Variants in RGS7 observed in about 807,000 individuals in gnomAD.
RGS7 encodes regulator of G protein signaling 7, also known as regulator of G-protein signaling 7.
In RGS7, 27 loss-of-function variants were observed where a neutral mutation model predicts 81.1. That is an observed-to-expected ratio of 0.33 (90% confidence interval 0.25 to 0.46). The LOEUF (loss-of-function observed/expected upper bound fraction) is 0.46. Ranked by LOEUF, RGS7 falls within the 20% of genes least tolerant of loss-of-function variation. The probability of loss-of-function intolerance (pLI) is 1.00; values close to 1 mark genes in which losing one functional copy is unlikely to be tolerated. For missense variants in RGS7, 396 were observed against 607.4 expected (o/e 0.65, Z 3.66); for synonymous variants, 208 against 207.7 (o/e 1.00, Z -0.01).
At chr1:241,102,908 T>C (rs2064860000) in intron 2 of RGS7, among the ~76,000 whole-genome samples, 1 of 151,374 alleles carries the variant, frequency 6.6e-6, no homozygotes, top group Middle Eastern at 3.4e-3. Flanking sequence ...TCACTCAGAG[T>C]CTATTAATTT....
chr1:241,252,031 TTTTC>T (rs777698199), intron 2 of RGS7, among the ~76,000 whole-genome samples: 44 of 151,092 alleles, frequency 2.9e-4, no homozygotes, highest in East Asian at 1.2e-3. Flanking sequence ...GCTTTTGGCT[TTTTC>T]TTTCTTTCTT....
At chr1:240,788,861 G>A (rs925455685) in intron 18 of RGS7, among the ~76,000 whole-genome samples, 1 of 152,130 alleles carries the variant, frequency 6.6e-6, no homozygotes, top group African/African-American at 2.4e-5. Flanking sequence ...AAGTAGGCAG[G>A]GTGTGGTGGT....
At chr1:241,202,116 A>C (rs994483998) in intron 2 of RGS7, among the ~76,000 whole-genome samples, 2 of 151,920 alleles carry the variant, frequency 1.3e-5, no homozygotes, top group African/African-American at 4.8e-5. Context: ...TGAATGAATA[A>C]ATTATCAAGG....
intron 2 of RGS7, among the ~76,000 whole-genome samples, chr1:241,139,119 T>C (rs2067731876): frequency 6.6e-6 from 1 of 152,182 alleles, no homozygotes; most frequent in Non-Finnish European, 1.5e-5. Flanking sequence ...TGTTGTAGCA[T>C]GCGTCAGTAG....
chr1:241,104,405 G>A (rs752048337), intron 2 of RGS7, among the ~76,000 whole-genome samples: 13 of 152,152 alleles, frequency 8.5e-5, no homozygotes, highest in Non-Finnish European at 1.5e-4. Context: ...GCCCCTGCAA[G>A]ACAGGAGATT....
At chr1:240,998,550 G>T in intron 3 of RGS7, 3 of 864,590 alleles carry the variant, frequency 3.5e-6, no homozygotes, top group Non-Finnish European at 5.7e-6. Flanking sequence ...GCAGAGGCGG[G>T]CAGAAGCTCC....
At chr1:240,808,163 T>A (rs556970559) in intron 14 of RGS7, among the ~76,000 whole-genome samples, 3 of 152,048 alleles carry the variant, frequency 2.0e-5, no homozygotes, top group South Asian at 4.2e-4. Context: ...GTCTCTGTCC[T>A]CAAAGAATGA....
intron 2 of RGS7, among the ~76,000 whole-genome samples, chr1:241,256,641 C>T (rs2077063123): frequency 6.6e-6 from 1 of 151,962 alleles, no homozygotes; most frequent in Admixed American, 6.6e-5. Context: ...GGTGAGGGGC[C>T]CCTTCCTAGC....
intron 6 of RGS7, among the ~76,000 whole-genome samples, chr1:240,915,902 C>T (rs1672521584): frequency 6.6e-6 from 1 of 151,836 alleles, no homozygotes; most frequent in Non-Finnish European, 1.5e-5. Context: ...AGGAAAGAAT[C>T]AGTAGAGTTT....
intron 9 of RGS7, among the ~76,000 whole-genome samples, chr1:240,833,661 A>G (rs1281569439): frequency 6.6e-6 from 1 of 152,214 alleles, no homozygotes; most frequent in Non-Finnish European, 1.5e-5. Context: ...CCGCTTTGTA[A>G]TACAGTACAA....
At chr1:241,022,788 A>G (rs1291430120) in intron 3 of RGS7, among the ~76,000 whole-genome samples, 3 of 152,118 alleles carry the variant, frequency 2.0e-5, no homozygotes, top group Non-Finnish European at 4.4e-5. Context: ...CTGTAATGCC[A>G]TGGTCTTAGT....
At chr1:241,108,518 G>A (rs192560572) in intron 2 of RGS7, among the ~76,000 whole-genome samples, 30 of 152,296 alleles carry the variant, frequency 2.0e-4, no homozygotes, top group Admixed American at 3.3e-4. Flanking sequence ...GATGCTAAAT[G>A]TATGTGAAAG....
intron 9 of RGS7, among the ~76,000 whole-genome samples, chr1:240,852,867 T>C (rs1171955807): frequency 6.6e-6 from 1 of 152,206 alleles, no homozygotes; most frequent in Non-Finnish European, 1.5e-5. Flanking sequence ...TGTGTTGCTC[T>C]AAGTGGCACT....
intron 2 of RGS7, among the ~76,000 whole-genome samples, chr1:241,217,546 C>A (rs1346693812): frequency 6.6e-6 from 1 of 152,106 alleles, no homozygotes; most frequent in East Asian, 1.9e-4. Context: ...TCAAAACACC[C>A]CATAATAGGA....
chr1:241,214,327 TATC>T (rs1376798069), intron 2 of RGS7, among the ~76,000 whole-genome samples: 5 of 152,186 alleles, frequency 3.3e-5, no homozygotes, highest in Non-Finnish European at 7.3e-5. Flanking sequence ...CCTAGAAACT[TATC>T]ATTCCATGTT....
intron 4 of RGS7, among the ~76,000 whole-genome samples, chr1:240,973,883 G>T (rs1288119343): frequency 6.6e-6 from 1 of 152,154 alleles, no homozygotes; most frequent in African/African-American, 2.4e-5. Flanking sequence ...CCCGGCCAGA[G>T]ACATTCTTTA....
At chr1:241,147,460 T>A (rs1428222367) in intron 2 of RGS7, among the ~76,000 whole-genome samples, 1 of 152,158 alleles carries the variant, frequency 6.6e-6, no homozygotes, top group Non-Finnish European at 1.5e-5. Flanking sequence ...TTTGTATGAA[T>A]GTACTTGCTA....
intron 9 of RGS7, among the ~76,000 whole-genome samples, chr1:240,828,163 G>A (rs1391419957): frequency 6.6e-6 from 1 of 152,142 alleles, no homozygotes; most frequent in Non-Finnish European, 1.5e-5. Flanking sequence ...CTTTAAAACA[G>A]AGGGGTTGAT....
intron 2 of RGS7, among the ~76,000 whole-genome samples, chr1:241,353,612 A>C (rs1436445697): frequency 3.3e-5 from 5 of 152,216 alleles, no homozygotes; most frequent in Non-Finnish European, 7.4e-5. Flanking sequence ...ATGCCTTATC[A>C]AGAAAATCTT....
Sources: gnomAD v4.1 joint callset for allele counts (sites outside exome capture counted in the v4.1 genomes callset) on GRCh38, gnomAD v4.1.1 for gene constraint, MANE v1.5 for transcripts, NCBI Gene and HGNC (gene_info 2026-07-23, HGNC 2026-07-21) for gene names.